The following HYAL3 variants were observed in gnomAD, a reference collection of about 807,000 sequenced individuals.
HYAL3 encodes the protein hyaluronidase 3.
Under a neutral mutation model 29.6 loss-of-function variants are expected in HYAL3, and 25 were observed. The ratio of observed to expected loss-of-function variants is 0.85; its 90% CI spans 0.62 to 1.18. The LOEUF (loss-of-function observed/expected upper bound fraction) is 1.18, where lower values mean the gene tolerates loss of function less well. Among genes scored for constraint, HYAL3 ranks in the 50% most tolerant of loss-of-function variants. The pLI, the probability that HYAL3 is intolerant of heterozygous loss-of-function variation, is 0.00. For synonymous variants in HYAL3, 215 were observed against 218.3 expected, an observed-to-expected ratio of 0.99 and a Z score of 0.13; for missense variants, 442 against 548.4, an observed-to-expected ratio of 0.81 and a Z score of 1.94.
Position 50,295,653 on chromosome 3 carries a change from C to T in HYAL3, c.-17-34G>A, listed in dbSNP as rs782299863. 5.4e-5 allele frequency: 81 copies of T among 1,487,120 alleles called. No individual in the cohort carries two copies. The South Asian group carries it at 8.2e-4, about 15-fold the overall frequency. 92.1% of individuals were successfully genotyped at this position (1,487,120 alleles called of 1,614,324 possible). A position where few individuals can be genotyped will look rare whatever the true frequency, so the allele number is the denominator to read the frequency against. On this transcript the variant is annotated intron_variant, in intron 1 of 3. Coordinates refer to ENST00000336307, the MANE Select transcript of HYAL3 (RefSeq NM_003549.4). ...GAGAGGGGGGTGTAAGCTTAGAGTC[C>T]GCAGCTATGGCCACACCTTCCACAT... is the stretch of plus-strand genomic sequence containing the variant.
At chr3:50,293,750 C>G in intron 2 of HYAL3, 29 bp from the exon 3 acceptor site, 1 of 1,599,086 alleles carries the variant, frequency 6.3e-7, no homozygotes, top group Non-Finnish European at 8.6e-7. Context: ...TAAGCCAGTG[C>G]TGGGCTGGCC....
At chr3:50,293,809 T>C in intron 2 of HYAL3, 88 bp from the exon 3 acceptor site, 1 of 1,156,808 alleles carries the variant, frequency 8.6e-7, no homozygotes, top group South Asian at 1.3e-5. Context: ...TCTGGTTCAC[T>C]GTCACAATCT....
At chr3:50,298,731 C>A in intron 1 of HYAL3, 1 of 1,012,378 alleles carries the variant, frequency 9.9e-7, no homozygotes, top group Non-Finnish European at 1.2e-6. Flanking sequence ...CTTACCTCTC[C>A]TGAGCTTGAG....
chr3:50,299,119 A>G, intron 1 of HYAL3, 94 bp downstream of exon 1: 2 of 1,612,024 alleles, frequency 1.2e-6, no homozygotes, highest in Non-Finnish European at 1.7e-6. Flanking sequence ...CGAACGACTG[A>G]CGCGGGGAGG....
At chr3:50,298,863 A>G in intron 1 of HYAL3, 1 of 1,281,840 alleles carries the variant, frequency 7.8e-7, no homozygotes, top group Non-Finnish European at 9.9e-7. Context: ...TTTGGTCTAG[A>G]GGGAGGAAGC....
Position 50,294,736 on chromosome 3 carries a change from G to A in HYAL3, c.867C>T (p.His289=). The change falls in exon 2 of 4, where the codon CAC becomes CAT. Residue 289 remains histidine (H), a synonymous_variant. Coordinates refer to ENST00000336307, the MANE Select transcript of HYAL3 (RefSeq NM_003549.4). ...LPVLAYVRLT[H]RRSGRFLSQD... is the part of the protein sequence containing the mutation. ...GGGACAGGAACCTCCCAGATCTCCG[G>A]TGTGTGAGGCGGACATAGGCCAGGA... 5.3e-6 allele frequency: 8 copies of A among 1,505,770 alleles called. No homozygotes were observed. The highest frequency in any genetic ancestry group is 7.1e-6 in the Non-Finnish European group (8 of 1,126,442). 93.3% of individuals were successfully genotyped at this position (1,505,770 alleles called of 1,614,324 possible).
In HYAL3 at chr3:50,295,444, A is replaced by G. The variant is rs781978004; in HGVS notation, c.159T>C (p.Asn53=). The part of the protein sequence containing the change: ...EARFGVHLPL[N]ALGIIANRGQ... Reference sequence around the variant, plus strand: ...CACGGTTGGCTATGATGCCCAGAGCATTGAGTGGCAGGTGCACACCAAAGC... The same window carrying G: ...CACGGTTGGCTATGATGCCCAGAGCGTTGAGTGGCAGGTGCACACCAAAGC... The change falls in exon 2 of 4, where the codon AAT becomes AAC. Residue 53 remains asparagine, a synonymous_variant. Transcript: ENST00000336307. 6.2e-7 allele frequency: 1 copy of G among 1,614,206 alleles called. No individual in the cohort carries two copies. Among genetic ancestry groups the G allele is most frequent in the Admixed American group, 1.7e-5 (1 of 60,034 alleles).
intron 1 of HYAL3, chr3:50,298,104 T>C: frequency 4.1e-6 from 4 of 985,382 alleles, no homozygotes; most frequent in Non-Finnish European, 4.8e-6. Context: ...GGATAGAAGA[T>C]GCAAAGCAGA....
chr3:50,298,391 A>T (rs587616203), intron 1 of HYAL3, among the ~76,000 whole-genome samples: 3 of 151,686 alleles, frequency 2.0e-5, no homozygotes, highest in Non-Finnish European at 4.4e-5. Context: ...TATAGACCCA[A>T]CTGTCTCCTC....
chr3:50,298,953 GCGGGGCTC>G (rs1701996694), intron 1 of HYAL3: 2 of 1,425,418 alleles, frequency 1.4e-6, no homozygotes, highest in African/African-American at 2.9e-5. Context: ...CCCACTGTGG[GCGGGGCTC>G]CGGGGTCCTC....
intron 1 of HYAL3, 123 bp from the exon 2 acceptor site, chr3:50,295,742 G>C: frequency 1.3e-6 from 1 of 798,628 alleles, no homozygotes. Context: ...GCTGGGGAAA[G>C]CATGTTTCCC....
In HYAL3 at chr3:50,294,934, GGCT is replaced by G; in HGVS notation, c.666_668del (p.Ala223del). 2 of 1,603,416 alleles carry G rather than the reference GGCT, an allele frequency of 1.2e-6. No homozygotes were observed. Among genetic ancestry groups the G allele is most frequent in the Non-Finnish European group, 1.7e-6 (2 of 1,172,070 alleles). On this transcript the variant is annotated inframe_deletion, in exon 2 of 4. Coordinates refer to ENST00000336307, the MANE Select transcript of HYAL3 (RefSeq NM_003549.4). ...GCAGTTGAGTGTTGCGGGCAAGGGT[GGCT>G]GCATGGCAGCGGCCGGTATAGTTGG...
rs782309980 is a variant in HYAL3 at position 50,293,639 on chromosome 3, C to A, written c.977G>T (p.Ser326Ile). 3 of 1,613,828 alleles carry A rather than the reference C, an allele frequency of 1.9e-6. No homozygotes were observed. The highest frequency in any genetic ancestry group is 2.5e-6 in the Non-Finnish European group (3 of 1,180,008). ...CAAAGGGGCAATGATCACCTCAGAGCTGGAGAGGCTCAGGTCCCCCCAGAG... is the reference window on the plus strand; with the variant it reads ...CAAAGGGGCAATGATCACCTCAGAGATGGAGAGGCTCAGGTCCCCCCAGAG... ...VVLWGDLSLS[S>I]SEEECWHLHD... Residue 326 changes from serine (S) to isoleucine (I), a missense_variant, in exon 3 of 4, where the codon AGC becomes ATC. Ser to Ile is a moderately radical substitution (Grantham distance 142). Transcript: ENST00000336307.
chr3:50,293,593 G>A, intron 3 of HYAL3, 39 bp downstream of exon 3: 1 of 1,613,104 alleles, frequency 6.2e-7, no homozygotes, highest in Non-Finnish European at 8.5e-7. Context: ...TGGGACCCCA[G>A]CATGTGCTAC....
intron 3 of HYAL3, 55 bp downstream of exon 3, chr3:50,293,577 C>T: frequency 6.2e-7 from 1 of 1,611,986 alleles, no homozygotes; most frequent in Non-Finnish European, 8.5e-7. Flanking sequence ...TGGCCGTCCC[C>T]CACCCTGGGA....
intron 1 of HYAL3, among the ~76,000 whole-genome samples, chr3:50,298,606 T>C (rs587686266): frequency 2.0e-4 from 30 of 151,994 alleles, no homozygotes; most frequent in Non-Finnish European, 4.3e-4. Flanking sequence ...TGTTTTCCCA[T>C]CTTAACCAAG....
Position 50,299,400 on chromosome 3 carries a change from G to T in HYAL3, c.-205C>A, listed in dbSNP as rs1702023604. The T allele has an allele frequency of 7.5e-7, 1 of 1,330,872 alleles. No individual in the cohort carries two copies. The highest frequency in any genetic ancestry group is 2.1e-5 in the Admixed American group (1 of 47,632). The allele number at this position is 1,330,872 out of a possible 1,614,324, so 82.4% of individuals were successfully genotyped here. ...GGCCTCCCAGCACCCGCGCGTCGCC[G>T]CTTAGAACCCGCCCCTGGTTTGCGC... On this transcript the variant is annotated 5_prime_UTR_variant, in exon 1 of 4. Transcript: ENST00000336307.
intron 1 of HYAL3, chr3:50,296,364 T>G: frequency 1.9e-6 from 1 of 540,402 alleles, no homozygotes; most frequent in Non-Finnish European, 3.2e-6. Context: ...AGGTGAGAGG[T>G]GAGGGTAGGG....
rs781968056 is a variant in HYAL3 at position 50,293,305 on chromosome 3, A to G, written c.1195T>C (p.Trp399Arg). 3.1e-6 allele frequency: 5 copies of G among 1,613,254 alleles called. No individual in the cohort carries two copies. In the Admixed American group the frequency reaches 6.7e-5, roughly 22 times the overall value. Reference protein sequence around the residue: ...DWKSFSCHCYWGWAGPTCQEP... With the variant: ...DWKSFSCHCYRGWAGPTCQEP... Reference sequence around the variant, plus strand: ...TGGCAGGTGGGGCCAGCCCAGCCCCAGTAACAGTGGCAGCTGAAGGACTTC... The same window carrying G: ...TGGCAGGTGGGGCCAGCCCAGCCCCGGTAACAGTGGCAGCTGAAGGACTTC... Residue 399 changes from tryptophan (W) to arginine (R), a missense_variant, in exon 4 of 4, where the codon TGG becomes CGG. By Grantham distance (101) the Trp-to-Arg change is moderately radical. Transcript: ENST00000336307.
Sources: allele counts gnomAD v4.1 joint callset (sites outside exome capture counted in the v4.1 genomes callset), GRCh38; gene constraint gnomAD v4.1.1; transcripts MANE v1.5; gene names NCBI Gene and HGNC (gene_info 2026-07-23, HGNC 2026-07-21).